MITF: variants seen among roughly 807,000 people sequenced by gnomAD.
MITF encodes the protein melanocyte inducing transcription factor, also known as microphthalmia-associated transcription factor.
MITF carries 17 observed loss-of-function variants against 60.5 expected under a neutral mutation model. The observed-to-expected ratio is 0.28, with a 90% CI of 0.19 to 0.42. The LOEUF (loss-of-function observed/expected upper bound fraction) is 0.42, where lower values mean the gene tolerates loss of function less well. Ranked by LOEUF, MITF falls within the 10% of genes least tolerant of loss-of-function variation. The pLI is 1.00. For missense variants in MITF, 622 were observed against 683.5 expected (o/e 0.91, Z 1.00); for synonymous variants, 260 against 248.5 (o/e 1.05, Z -0.43).
chr3:69,810,167 A>G (rs2106992177), intron 1 of MITF, among the ~76,000 whole-genome samples: 1 of 151,850 alleles, frequency 6.6e-6, no homozygotes, highest in South Asian at 2.1e-4. Context: ...ACTGGATGTT[A>G]TTTTTCAAAA....
Position 69,938,407 on chromosome 3 carries a change from C to A in MITF, c.582+358C>A, listed in dbSNP as rs1559733699. ...AGAAGGGGAGGTGGAAAAGGAAAAG[C>A]AAAAATAGAAGAGGTGTGGGACATG... On this transcript the variant is annotated intron_variant, in intron 3 of 9. Coordinates refer to ENST00000352241, the MANE Select transcript of MITF (RefSeq NM_001354604.2). 7 of 1,549,086 alleles carry A rather than the reference C, an allele frequency of 4.5e-6. No individual in the cohort carries two copies. The Admixed American group carries it at 6.0e-5, about 13-fold the overall frequency.
intron 2 of MITF, among the ~76,000 whole-genome samples, chr3:69,937,519 C>T (rs1418115230): frequency 6.6e-6 from 1 of 151,764 alleles, no homozygotes. Flanking sequence ...GAAATTTTTG[C>T]CCTAAGATAA....
At chr3:69,963,958 C>CT (rs1366264560) in intron 9 of MITF, among the ~76,000 whole-genome samples, 2 of 120,408 alleles carry the variant, frequency 1.7e-5, no homozygotes, top group African/African-American at 6.3e-5. Context: ...GAATATGTTT[C>CT]TTTTTTCTTT....
intron 1 of MITF, among the ~76,000 whole-genome samples, chr3:69,757,996 CAT>C (rs1491275569): frequency 3.0e-4 from 29 of 96,474 alleles, no homozygotes; most frequent in Middle Eastern, 5.3e-3. Flanking sequence ...TACCCTAGGG[CAT>C]GTGTGTGTGT....
rs1205881467 is a variant in MITF at position 69,965,040 on chromosome 3, A to G, written c.1373A>G (p.Asn458Ser). Residue 458 changes from asparagine to serine, a missense_variant, in exon 10 of 10, where the codon AAC (asparagine) becomes AGC (serine). Physicochemically the swap from Asn to Ser is conservative, Grantham distance 46. Around this residue, in one of 5 missense-constraint regions of MITF, gnomAD observed 224 missense variants for 209.5 expected, o/e 1.07. Transcript: ENST00000352241. ...CTCACGGATGGCACCATCACCTTCA[A>G]CAACAACCTCGGAACTGGGACTGAG... ...LDLTDGTITF[N>S]NNLGTGTEAN... 4 of 1,613,982 alleles carry G rather than the reference A, an allele frequency of 2.5e-6. No homozygotes were observed. The highest frequency in any genetic ancestry group is 3.4e-6 in the Non-Finnish European group (4 of 1,180,008).
intron 1 of MITF, among the ~76,000 whole-genome samples, chr3:69,772,074 A>G (rs757459162): frequency 7.9e-5 from 12 of 152,184 alleles, no homozygotes; most frequent in Non-Finnish European, 1.3e-4. Flanking sequence ...TTGCTATTTC[A>G]GGTACTGGTG....
At chr3:69,863,041 C>T (rs1415993666) in intron 1 of MITF, among the ~76,000 whole-genome samples, 3 of 151,996 alleles carry the variant, frequency 2.0e-5, no homozygotes, top group Admixed American at 1.3e-4. Flanking sequence ...TGTATACAAA[C>T]TCAGGAAACA....
intron 1 of MITF, among the ~76,000 whole-genome samples, chr3:69,771,955 T>A (rs1385454890): frequency 6.6e-6 from 1 of 152,236 alleles, no homozygotes; most frequent in Non-Finnish European, 1.5e-5. Context: ...AAGCTCTAAA[T>A]TAGACTGGAA....
chr3:69,853,585 A>C (rs1443385439), intron 1 of MITF, among the ~76,000 whole-genome samples: 2 of 152,142 alleles, frequency 1.3e-5, no homozygotes, highest in African/African-American at 4.8e-5. Flanking sequence ...CTCATCTTTG[A>C]GGCATTCTCC....
At chr3:69,771,188 A>T (rs1010661583) in intron 1 of MITF, among the ~76,000 whole-genome samples, 1 of 151,422 alleles carries the variant, frequency 6.6e-6, no homozygotes, top group Non-Finnish European at 1.5e-5. Flanking sequence ...CTTGGGCAAC[A>T]TTTAGGAATT....
chr3:69,834,895 A>G (rs1166716289), intron 1 of MITF, among the ~76,000 whole-genome samples: 1 of 141,292 alleles, frequency 7.1e-6, no homozygotes, highest in Non-Finnish European at 1.5e-5. Context: ...GTGAGGTAGT[A>G]TCTCCCTACG....
chr3:69,919,005 A>G (rs761857172), intron 2 of MITF, among the ~76,000 whole-genome samples: 1 of 152,210 alleles, frequency 6.6e-6, no homozygotes, highest in Admixed American at 6.5e-5. Flanking sequence ...TATTTCAAGA[A>G]ATCTTTCTCT....
chr3:69,824,306 C>T (rs2063321887), intron 1 of MITF, among the ~76,000 whole-genome samples: 1 of 152,194 alleles, frequency 6.6e-6, no homozygotes, highest in South Asian at 2.1e-4. Context: ...GTTTCATCAT[C>T]TGTATCCAGG....
At chr3:69,836,078 G>T (rs560621941) in intron 1 of MITF, among the ~76,000 whole-genome samples, 1 of 151,936 alleles carries the variant, frequency 6.6e-6, no homozygotes, top group Non-Finnish European at 1.5e-5. Flanking sequence ...GGCCATTTTA[G>T]CAATATTAAT....
chr3:69,764,629 A>G (rs553931664), intron 1 of MITF, among the ~76,000 whole-genome samples: 3 of 152,170 alleles, frequency 2.0e-5, no homozygotes, highest in South Asian at 4.2e-4. Context: ...CTGATTTTGC[A>G]CTTTGGACTG....
chr3:69,855,711 A>G (rs1434248514), intron 1 of MITF, among the ~76,000 whole-genome samples: 1 of 152,174 alleles, frequency 6.6e-6, no homozygotes, highest in Non-Finnish European at 1.5e-5. Flanking sequence ...AAATTAGATA[A>G]CAACCAAAAC....
intron 1 of MITF, among the ~76,000 whole-genome samples, chr3:69,795,939 C>G (rs2106932072): frequency 6.6e-6 from 1 of 152,178 alleles, no homozygotes; most frequent in Admixed American, 6.5e-5. Flanking sequence ...CATCATAAAT[C>G]AAATCCACTG....
chr3:69,883,361 T>G (rs17006569), intron 2 of MITF, among the ~76,000 whole-genome samples: 3,889 of 152,248 alleles, frequency 0.026, 152 homozygotes, highest in African/African-American at 0.086. Context: ...CTCTCATTTG[T>G]ATTGAGATTC....
intron 1 of MITF, among the ~76,000 whole-genome samples, chr3:69,870,589 C>T (rs962178722): frequency 6.6e-6 from 1 of 151,878 alleles, no homozygotes; most frequent in African/African-American, 2.4e-5. Context: ...CGTGTACCAC[C>T]ATGCCTAGCT....
Sources: gnomAD v4.1 joint callset for allele counts (sites outside exome capture counted in the v4.1 genomes callset) on GRCh38, gnomAD v4.1.1 for gene constraint, gnomAD v4.1.1 regional missense constraint, MANE v1.5 for transcripts, NCBI Gene and HGNC (gene_info 2026-07-23, HGNC 2026-07-21) for gene names.